Variants in DOCK8 observed in about 807,000 individuals in gnomAD.
The protein encoded by DOCK8 is dedicator of cytokinesis protein 8.
DOCK8 carries 141 observed loss-of-function variants against 245.6 expected under a neutral mutation model. The ratio of observed to expected loss-of-function variants is 0.57; its 90% CI spans 0.50 to 0.66. The LOEUF is 0.66. Ranked by LOEUF, DOCK8 falls within the 30% of genes least tolerant of loss-of-function variation. The pLI, the probability that DOCK8 is intolerant of heterozygous loss-of-function variation, is 0.00. For synonymous variants in DOCK8, 1,168 were observed against 970.2 expected (o/e 1.20, Z -3.79); for missense variants, 2,965 against 2,603.4 (o/e 1.14, Z -3.02).
chr9:334,896 A>G (rs1306562046), intron 11 of DOCK8, among the ~76,000 whole-genome samples: 3 of 152,158 alleles, frequency 2.0e-5, no homozygotes, highest in Non-Finnish European at 4.4e-5. Flanking sequence ...AGCCTGGCCA[A>G]CATGGTAAAA....
rs1237876396 is a variant in DOCK8 at position 400,959 on chromosome 9, CCACCACCTCCTCCACCAT to C, written c.3234+1718_3234+1735del. ...TCCACCACCACCATCACCACCACCACCACCACCTCCTCCACCATCACCACCTCCTCCACCACCACCACC... is the reference window on the plus strand; with the variant it reads ...TCCACCACCACCATCACCACCACCACCACCACCTCCTCCACCACCACCACC... On this transcript the variant is annotated intron_variant, in intron 26 of 47. Transcript: ENST00000432829. 1.9e-4 allele frequency among the ~76,000 whole-genome samples: 9 copies of C among 47,910 alleles called. 1 individual carries two copies. The highest frequency in any genetic ancestry group is 1.5e-3 in the African/African-American group (3 of 2,052). The allele number at this position is 47,910 out of a possible 152,430, so 31.4% of individuals were successfully genotyped here. A position where few individuals can be genotyped will look rare whatever the true frequency, so the allele number is the denominator to read the frequency against.
chr9:224,697 C>G (rs1055092484), intron 1 of DOCK8, among the ~76,000 whole-genome samples: 2 of 152,128 alleles, frequency 1.3e-5, no homozygotes. Flanking sequence ...AGAAGTTGGG[C>G]TGTCCTCAGG....
chr9:463,924 A>G (rs1024803688), intron 47 of DOCK8, among the ~76,000 whole-genome samples: 1 of 152,160 alleles, frequency 6.6e-6, no homozygotes, highest in Non-Finnish European at 1.5e-5. Context: ...GGGTATTCCC[A>G]GGGCTGAATG....
At chr9:275,365 A>G (rs1436353811) in intron 2 of DOCK8, among the ~76,000 whole-genome samples, 1 of 152,156 alleles carries the variant, frequency 6.6e-6, no homozygotes, top group Non-Finnish European at 1.5e-5. Context: ...TAGAAGAGAA[A>G]AGGATACATG....
chr9:411,087 T>G (rs1213204163), intron 28 of DOCK8, among the ~76,000 whole-genome samples: 2 of 152,302 alleles, frequency 1.3e-5, no homozygotes, highest in South Asian at 2.1e-4. Flanking sequence ...GTAATCAAAC[T>G]TCCCACATAC....
chr9:223,035 C>CT (rs914436549), intron 1 of DOCK8, among the ~76,000 whole-genome samples: 13 of 151,260 alleles, frequency 8.6e-5, no homozygotes, highest in African/African-American at 2.7e-4. Flanking sequence ...CTCTTTCATA[C>CT]TTTTTTTTTA....
intron 1 of DOCK8, among the ~76,000 whole-genome samples, chr9:259,602 C>T (rs1269259900): frequency 2.0e-5 from 3 of 152,146 alleles, no homozygotes; most frequent in Non-Finnish European, 4.4e-5. Context: ...CACTGAGGTG[C>T]TCATCAAGTG....
chr9:334,480 G>A (rs1236064725), intron 11 of DOCK8, 96 bp downstream of exon 11: 1 of 1,355,722 alleles, frequency 7.4e-7, no homozygotes, highest in Non-Finnish European at 1.0e-6. Flanking sequence ...ACAGTGAGGT[G>A]TGGGAAGTGG....
rs1367547362 is a variant in DOCK8 at position 463,688 on chromosome 9, G to T, written c.6239+1G>T. 6.2e-7 allele frequency: 1 copy of T among 1,613,654 alleles called. No individual in the cohort carries two copies. The highest frequency in any genetic ancestry group is 8.5e-7 in the Non-Finnish European group (1 of 1,180,036). On this transcript the variant is annotated splice_donor_variant, in intron 47 of 47. Transcript: ENST00000432829. LOFTEE classifies it high-confidence loss of function. ...TATTCAGAGTTGAGAGTCAAAAGAG[G>T]TAAGAACAGGGCAGAGGAGGCCTCT... is the stretch of plus-strand genomic sequence containing the variant.
At chr9:218,925 G>A (rs566053827) in intron 1 of DOCK8, among the ~76,000 whole-genome samples, 10 of 152,096 alleles carry the variant, frequency 6.6e-5, no homozygotes, top group South Asian at 2.1e-4. Context: ...GACTATCTCC[G>A]TTTTACAGAT....
chr9:245,295 C>G (rs1207192553), intron 1 of DOCK8, among the ~76,000 whole-genome samples: 3 of 152,190 alleles, frequency 2.0e-5, no homozygotes, highest in Non-Finnish European at 1.5e-5. Context: ...ACCTCCACCT[C>G]CTGAGTTCAA....
At chr9:447,917 G>C (rs1331921065) in intron 44 of DOCK8, among the ~76,000 whole-genome samples, 1 of 152,224 alleles carries the variant, frequency 6.6e-6, no homozygotes, top group African/African-American at 2.4e-5. Flanking sequence ...GCCATCTGCT[G>C]TACTTCCTAT....
chr9:292,586 G>C (rs1319195395), intron 4 of DOCK8, among the ~76,000 whole-genome samples: 1 of 150,320 alleles, frequency 6.7e-6, no homozygotes, highest in Non-Finnish European at 1.5e-5. Flanking sequence ...CTGGTGCTCT[G>C]CTTATTCGTG....
intron 1 of DOCK8, among the ~76,000 whole-genome samples, chr9:233,561 C>G (rs949837544): frequency 1.4e-4 from 21 of 151,520 alleles, no homozygotes; most frequent in Non-Finnish European, 2.1e-4. Flanking sequence ...TAAGGACTTG[C>G]TTTATGAATC....
upstream of DOCK8, chr9:214,500 C>T: frequency 6.2e-7 from 1 of 1,612,172 alleles, no homozygotes; most frequent in Non-Finnish European, 8.5e-7. Context: ...CCCTTAATAA[C>T]ACCTAGCCTT....
chr9:235,676 A>T (rs905839075), intron 1 of DOCK8, among the ~76,000 whole-genome samples: 6 of 152,202 alleles, frequency 3.9e-5, no homozygotes, highest in African/African-American at 1.4e-4. Flanking sequence ...AATGAGCGAG[A>T]GTCCATGGGC....
chr9:212,181 GC>G (rs2046629621), upstream of DOCK8, among the ~76,000 whole-genome samples: 1 of 152,110 alleles, frequency 6.6e-6, no homozygotes, highest in Non-Finnish European at 1.5e-5. Flanking sequence ...AGGACTTGGA[GC>G]AGTACCCGGT....
At chr9:334,079 G>C in intron 10 of DOCK8, 146 bp from the exon 11 acceptor site, 1 of 881,538 alleles carries the variant, frequency 1.1e-6, no homozygotes, top group Non-Finnish European at 1.8e-6. Flanking sequence ...CCTATTCACT[G>C]TTTTTATTTT....
At chr9:328,851 C>T (rs1488448023) in intron 9 of DOCK8, among the ~76,000 whole-genome samples, 3 of 151,374 alleles carry the variant, frequency 2.0e-5, no homozygotes, top group Non-Finnish European at 4.4e-5. Context: ...AAAACCAGAT[C>T]CTTTCTCTGT....
Sources: allele counts gnomAD v4.1 joint callset (sites outside exome capture counted in the v4.1 genomes callset), GRCh38; gene constraint gnomAD v4.1.1; transcripts MANE v1.5; gene names NCBI Gene and HGNC (gene_info 2026-07-23, HGNC 2026-07-21).